PAX5: variants seen among roughly 807,000 people sequenced by gnomAD.
The protein encoded by PAX5 is paired box protein Pax-5.
Under a neutral mutation model 43.7 loss-of-function variants are expected in PAX5, and 9 were observed. The observed-to-expected ratio is 0.21, with a 90% CI of 0.12 to 0.36. The LOEUF is 0.36. PAX5 is among the 10% of genes least tolerant of loss of function. PAX5 has a pLI of 1.00. For synonymous variants in PAX5, 228 were observed against 214.3 expected (o/e 1.06, Z -0.56); for missense variants, 383 against 532.7 (o/e 0.72, Z 2.77).
chr9:36,974,034 C>T (rs536995827), intron 5 of PAX5, among the ~76,000 whole-genome samples: 1 of 152,002 alleles, frequency 6.6e-6, no homozygotes, highest in African/African-American at 2.4e-5. Context: ...TAAAAGTTAG[C>T]TGGGGTGTGG....
intron 3 of PAX5, 51 bp downstream of exon 3, chr9:37,014,946 T>A (rs1564078584): frequency 5.3e-6 from 8 of 1,517,680 alleles, no homozygotes; most frequent in Non-Finnish European, 7.3e-6. Flanking sequence ...GCCTCCAGGA[T>A]GCCCTGCCAT....
intron 6 of PAX5, among the ~76,000 whole-genome samples, chr9:36,933,258 A>G (rs1419497506): frequency 6.6e-6 from 1 of 152,206 alleles, no homozygotes; most frequent in Non-Finnish European, 1.5e-5. Flanking sequence ...CAGCCATCCA[A>G]CAAATACCTG....
chr9:37,022,348 G>T (rs1007564257), intron 1 of PAX5, among the ~76,000 whole-genome samples: 28 of 152,338 alleles, frequency 1.8e-4, no homozygotes, highest in African/African-American at 6.7e-4. Flanking sequence ...TTCTAAAACA[G>T]AAAGACTGCA....
At chr9:36,896,708 G>A (rs537916246) in intron 7 of PAX5, among the ~76,000 whole-genome samples, 15 of 152,284 alleles carry the variant, frequency 9.9e-5, no homozygotes, top group South Asian at 2.1e-4. Flanking sequence ...TCTGGGTCTC[G>A]GTTTCCACTT....
chr9:36,957,382 A>G (rs11790931), intron 6 of PAX5, among the ~76,000 whole-genome samples: 28,396 of 152,102 alleles, frequency 0.19, 2,953 homozygotes, highest in African/African-American at 0.24. Flanking sequence ...AGGTTTTCAG[A>G]GCCCCTAGAA....
At chr9:36,987,278 G>T (rs1460270922) in intron 5 of PAX5, among the ~76,000 whole-genome samples, 1 of 152,182 alleles carries the variant, frequency 6.6e-6, no homozygotes, top group African/African-American at 2.4e-5. Context: ...CTCTGTTATG[G>T]AATTCTCACA....
chr9:36,957,778 T>C (rs1188338119), intron 6 of PAX5, among the ~76,000 whole-genome samples: 1 of 152,184 alleles, frequency 6.6e-6, no homozygotes, highest in Non-Finnish European at 1.5e-5. Flanking sequence ...CTCTAAAACA[T>C]ATGACTTCTC....
intron 7 of PAX5, among the ~76,000 whole-genome samples, chr9:36,898,368 T>TGTCTGAG (rs1385268396): frequency 6.6e-6 from 1 of 152,134 alleles, no homozygotes; most frequent in Non-Finnish European, 1.5e-5. Context: ...TTCACAGGGT[T>TGTCTGAG]GTCTGAGGTC....
intron 1 of PAX5, among the ~76,000 whole-genome samples, chr9:37,024,513 C>G: frequency 6.6e-6 from 1 of 152,216 alleles, no homozygotes; most frequent in East Asian, 1.9e-4. Flanking sequence ...CTCCCCATTG[C>G]TAGCAAGTTG....
intron 3 of PAX5, among the ~76,000 whole-genome samples, chr9:37,011,006 A>G (rs113681337): frequency 5.2e-4 from 79 of 152,152 alleles, no homozygotes; most frequent in African/African-American, 1.9e-3. Context: ...CTGTAGTCCT[A>G]GCTACTTGGG....
chr9:36,953,539 T>G (rs1833186598), intron 6 of PAX5, among the ~76,000 whole-genome samples: 1 of 152,210 alleles, frequency 6.6e-6, no homozygotes, highest in African/African-American at 2.4e-5. Flanking sequence ...TTCTCTTTGC[T>G]TTTCAGTGTG....
intron 7 of PAX5, among the ~76,000 whole-genome samples, chr9:36,894,101 T>G (rs1827651088): frequency 6.6e-6 from 1 of 152,150 alleles, no homozygotes; most frequent in Non-Finnish European, 1.5e-5. Flanking sequence ...GGTACATGCC[T>G]ATATCAAGCC....
intron 2 of PAX5, among the ~76,000 whole-genome samples, chr9:37,019,109 T>C (rs1380937097): frequency 6.6e-6 from 1 of 152,238 alleles, no homozygotes; most frequent in Non-Finnish European, 1.5e-5. Flanking sequence ...GATGCTGAGA[T>C]AGTCTAAAGT....
At position 37,034,136 on chromosome 9, in the gene PAX5, G is replaced by T; in HGVS notation, c.-105C>A. ...TTTTTTTTTTTTTTTTGGTGCCAGG[G>T]GCCGCTCACAGGTCGGAATAATTCA... On this transcript the variant is annotated 5_prime_UTR_variant, in exon 1 of 10. Transcript: ENST00000358127. 1.5e-6 allele frequency: 1 copy of T among 652,212 alleles called. No individual in the cohort carries two copies. The allele number at this position is 652,212 out of a possible 1,614,324, so 40.4% of individuals were successfully genotyped here. A position where few individuals can be genotyped will look rare whatever the true frequency, so the allele number is the denominator to read the frequency against.
chr9:36,917,687 G>A (rs927024957), intron 7 of PAX5, among the ~76,000 whole-genome samples: 2 of 152,142 alleles, frequency 1.3e-5, no homozygotes, highest in African/African-American at 4.8e-5. Flanking sequence ...ATGGCAGGAT[G>A]CCCAGCACAC....
intron 3 of PAX5, 116 bp downstream of exon 3, chr9:37,014,881 C>A: frequency 1.1e-6 from 1 of 941,574 alleles, no homozygotes; most frequent in Non-Finnish European, 1.7e-6. Flanking sequence ...TTCAGTAACC[C>A]CTAAGGGGCC....
intron 7 of PAX5, among the ~76,000 whole-genome samples, chr9:36,911,681 T>A (rs1285217671): frequency 6.6e-6 from 1 of 152,226 alleles, no homozygotes; most frequent in East Asian, 1.9e-4. Flanking sequence ...CTGCATCTCA[T>A]GAGCCTCAAA....
In PAX5 at chr9:37,002,753, C is replaced by G. The variant is rs2132398932; in HGVS notation, c.499G>C (p.Val167Leu). 1 of 1,610,074 alleles carries G rather than the reference C, an allele frequency of 6.2e-7. No homozygotes were observed. ...SIVSTGSVTQ[V>L]SSVSTDSAGS... The stretch of plus-strand genomic sequence containing the variant: ...GCCGAATCCGTGCTCACCGAGGACA[C>G]CTGCGTCACGGAGCCAGTGGACACT... The change falls in exon 5 of 10, where the codon GTG becomes CTG. Residue 167 changes from valine to leucine, a missense_variant. Val to Leu is a conservative substitution (Grantham distance 32). This residue lies in a region of PAX5 where 291 missense variants were observed against 342.5 expected (regional missense o/e 0.85). Coordinates refer to ENST00000358127, the MANE Select transcript of PAX5 (RefSeq NM_016734.3).
At chr9:36,959,318 C>T (rs1003783187) in intron 6 of PAX5, among the ~76,000 whole-genome samples, 2 of 152,204 alleles carry the variant, frequency 1.3e-5, no homozygotes, top group Admixed American at 6.5e-5. Context: ...TACTTGCATG[C>T]CTCCAGCAAT....
Sources: gnomAD v4.1 joint callset for allele counts (sites outside exome capture counted in the v4.1 genomes callset) on GRCh38, gnomAD v4.1.1 for gene constraint, gnomAD v4.1.1 regional missense constraint, MANE v1.5 for transcripts, NCBI Gene and HGNC (gene_info 2026-07-23, HGNC 2026-07-21) for gene names.